Variants in CNPY1 observed in about 807,000 individuals in gnomAD.
CNPY1 encodes protein canopy homolog 1.
CNPY1 carries 14 observed loss-of-function variants against 14.4 expected under a neutral mutation model. The ratio of observed to expected loss-of-function variants is 0.97; its 90% confidence interval spans 0.64 to 1.52. CNPY1 has a LOEUF of 1.52. Ranked by LOEUF, CNPY1 falls within the 40% of genes most tolerant of loss-of-function variation. CNPY1 has a pLI of 0.00. For synonymous variants in CNPY1, 43 were observed against 46.5 expected, an observed-to-expected ratio of 0.92 and a Z score of 0.31; for missense variants, 129 against 131.5, an observed-to-expected ratio of 0.98 and a Z score of 0.09.
In CNPY1 at chr7:155,538,781, G is replaced by C. The variant is rs1453848887; in HGVS notation, c.99+7050C>G. ...TCTGAGCACCGCCATGGGCTGACTC[G>C]CGCCCCCTCCTATTCACCTCCTGCC... On this transcript the variant is annotated intron_variant, in intron 2 of 4. Coordinates refer to ENST00000636446, the MANE Select transcript of CNPY1 (RefSeq NM_001393663.1). 3.3e-5 allele frequency among the ~76,000 whole-genome samples: 5 copies of C among 152,202 alleles called. No individual in the cohort carries two copies. The East Asian group carries it at 9.7e-4, about 29-fold the overall frequency.
intron 2 of CNPY1, among the ~76,000 whole-genome samples, chr7:155,511,174 A>T (rs890100147): frequency 1.3e-5 from 2 of 152,022 alleles, no homozygotes; most frequent in African/African-American, 4.8e-5. Flanking sequence ...AACATACTTG[A>T]TACTTGGGGG....
chr7:155,522,001 C>T (rs1796734474), intron 2 of CNPY1, among the ~76,000 whole-genome samples: 1 of 152,244 alleles, frequency 6.6e-6, no homozygotes, highest in Admixed American at 6.5e-5. Flanking sequence ...TGGAGGCCAA[C>T]AGCACTTTCC....
chr7:155,523,177 G>A (rs1044174126), intron 2 of CNPY1, among the ~76,000 whole-genome samples: 13 of 152,174 alleles, frequency 8.5e-5, no homozygotes, highest in South Asian at 2.1e-4. Context: ...TACAAAATCC[G>A]AGGCTAGATG....
rs1200944745 is a variant in CNPY1 at position 155,508,994 on chromosome 7, C to A, written c.203G>T (p.Arg68Ile). ...CCTAGGAGCGAATCTCTTGAAAGTT[C>A]TCTCCTTCGTCACAGGGTCTTCCTC... is the stretch of plus-strand genomic sequence containing the variant. ...KLEEDPVTKERTFKRFAPRKG... is the reference protein window; with the variant it reads ...KLEEDPVTKEITFKRFAPRKG... The change falls in exon 3 of 5, where the codon AGA becomes ATA. Residue 68 changes from arginine (R) to isoleucine (I), a missense_variant. Arg to Ile is a moderately conservative substitution (Grantham distance 97). Coordinates refer to ENST00000636446, the MANE Select transcript of CNPY1 (RefSeq NM_001393663.1). The A allele has an allele frequency of 1.9e-6, 3 of 1,613,778 alleles. No homozygotes were observed. The African/African-American group carries it at 4.0e-5, about 22-fold the overall frequency.
intron 2 of CNPY1, among the ~76,000 whole-genome samples, chr7:155,531,828 T>A (rs1460525296): frequency 6.6e-6 from 1 of 152,084 alleles, no homozygotes; most frequent in Non-Finnish European, 1.5e-5. Context: ...GCCTCAGAAG[T>A]GGAGAAAAGG....
In CNPY1 at chr7:155,545,859, T is replaced by A; in HGVS notation, c.71A>T (p.Asn24Ile). Residue 24 changes from asparagine to isoleucine, a missense_variant, in exon 2 of 5, where the codon AAT becomes ATT. Physicochemically the swap from Asn to Ile is moderately radical, Grantham distance 149. Coordinates refer to ENST00000636446, the MANE Select transcript of CNPY1 (RefSeq NM_001393663.1). ...TCTCCTCTCCTGAGTCCCATCGGGA[T>A]TGATTCGGAAGGATCCCACCTTGGT... ...KKTKVGSFRI[N>I]PDGTQERRKI... The A allele has an allele frequency of 2.5e-6, 1 of 398,670 alleles. No individual in the cohort carries two copies. Among genetic ancestry groups the A allele is most frequent in the African/African-American group, 2.1e-5 (1 of 48,768 alleles). The allele number at this position is 398,670 out of a possible 1,614,324, so 24.7% of individuals were successfully genotyped here.
chr7:155,530,538 C>T (rs1323424926), intron 2 of CNPY1, among the ~76,000 whole-genome samples: 4 of 152,082 alleles, frequency 2.6e-5, no homozygotes. Flanking sequence ...TGCTATGTTG[C>T]CCAGGGGTCT....
Position 155,503,123 on chromosome 7 carries a change from A to T in CNPY1, c.401-18T>A. ...ACACAGATCTGGAAAAAAAAAAAAA[A>T]GTAGATAGCATCATTATCACTTTAG... On this transcript the variant is annotated intron_variant, in intron 4 of 4. Coordinates refer to ENST00000636446, the MANE Select transcript of CNPY1 (RefSeq NM_001393663.1). The T allele has an allele frequency of 6.4e-7, 1 of 1,555,706 alleles. No homozygotes were observed.
intron 2 of CNPY1, among the ~76,000 whole-genome samples, chr7:155,527,605 C>A (rs1796853776): frequency 6.8e-6 from 1 of 147,302 alleles, no homozygotes; most frequent in South Asian, 2.1e-4. Flanking sequence ...CCACACCCTG[C>A]TAATTTTTTT....
At chr7:155,504,105 A>T (rs367732294) in intron 4 of CNPY1, among the ~76,000 whole-genome samples, 30 of 152,352 alleles carry the variant, frequency 2.0e-4, no homozygotes, top group East Asian at 7.7e-4. Context: ...AAAAGAGATT[A>T]TCTGAGGAAT....
intron 2 of CNPY1, among the ~76,000 whole-genome samples, chr7:155,534,196 C>T (rs1291127784): frequency 6.6e-6 from 1 of 152,208 alleles, no homozygotes; most frequent in African/African-American, 2.4e-5. Context: ...CCTCAGATGC[C>T]TCCTCTGGTG....
chr7:155,506,170 G>C (rs1203024167), intron 4 of CNPY1, among the ~76,000 whole-genome samples: 1 of 152,138 alleles, frequency 6.6e-6, no homozygotes, highest in Non-Finnish European at 1.5e-5. Context: ...AACAACTGCT[G>C]AATGCTAATT....
rs547724159 is a variant in CNPY1 at position 155,517,571 on chromosome 7, C to T, written c.100-8474G>A. Among the ~76,000 whole-genome samples the T allele has an allele frequency of 1.7e-4, 26 of 152,290 alleles. No individual in the cohort carries two copies. In the South Asian group the frequency reaches 3.7e-3, roughly 22 times the overall value. Reference sequence around the variant, plus strand: ...AGGAAGCCTGGACACCATGCAGAGGCGGCCAGCAGGTCCACCCCACACGCC... The same window carrying T: ...AGGAAGCCTGGACACCATGCAGAGGTGGCCAGCAGGTCCACCCCACACGCC... On this transcript the variant is annotated intron_variant, in intron 2 of 4. Coordinates refer to ENST00000636446, the MANE Select transcript of CNPY1 (RefSeq NM_001393663.1).
At chr7:155,516,411 C>G (rs772741928) in intron 2 of CNPY1, among the ~76,000 whole-genome samples, 3 of 152,244 alleles carry the variant, frequency 2.0e-5, no homozygotes, top group Non-Finnish European at 2.9e-5. Context: ...TTTAACCCCA[C>G]TTCCCAAGTG....
At chr7:155,522,443 C>G (rs1277393213) in intron 2 of CNPY1, among the ~76,000 whole-genome samples, 1 of 152,248 alleles carries the variant, frequency 6.6e-6, no homozygotes, top group Non-Finnish European at 1.5e-5. Context: ...GTCAGGGTGT[C>G]CCTGCTGGGG....
chr7:155,544,241 A>G (rs1797133873), intron 2 of CNPY1, among the ~76,000 whole-genome samples: 1 of 152,304 alleles, frequency 6.6e-6, no homozygotes, highest in Admixed American at 6.5e-5. Context: ...CGCTCTCATC[A>G]GTAATGCAGA....
At chr7:155,519,076 A>C (rs1319898238) in intron 2 of CNPY1, among the ~76,000 whole-genome samples, 1 of 152,212 alleles carries the variant, frequency 6.6e-6, no homozygotes, top group African/African-American at 2.4e-5. Context: ...ACATGTCATC[A>C]CTTCAGGTAG....
intron 2 of CNPY1, among the ~76,000 whole-genome samples, chr7:155,529,017 C>T (rs935667786): frequency 1.3e-5 from 2 of 151,332 alleles, no homozygotes; most frequent in Non-Finnish European, 2.9e-5. Flanking sequence ...GCAGAGATCG[C>T]GCCACTGCAC....
intron 2 of CNPY1, among the ~76,000 whole-genome samples, chr7:155,526,373 G>A (rs1470435375): frequency 2.0e-5 from 3 of 152,192 alleles, no homozygotes; most frequent in South Asian, 2.1e-4. Context: ...TGTAACAAAC[G>A]GCTGGCAGGG....
Sources: allele counts gnomAD v4.1 joint callset (sites outside exome capture counted in the v4.1 genomes callset), GRCh38; gene constraint gnomAD v4.1.1; transcripts MANE v1.5; gene names NCBI Gene and HGNC (gene_info 2026-07-23, HGNC 2026-07-21).